DZIP1: variants seen among roughly 807,000 people sequenced by gnomAD.
DZIP1 encodes cilium assembly protein DZIP1.
In DZIP1, 97 loss-of-function variants were observed where a neutral mutation model predicts 107.6. That is an observed-to-expected ratio of 0.90 (90% confidence interval 0.77 to 1.07). The LOEUF (loss-of-function observed/expected upper bound fraction) is 1.07, where lower values mean the gene tolerates loss of function less well. Ranked by LOEUF, DZIP1 falls within the 50% of genes least tolerant of loss-of-function variation. DZIP1 has a pLI of 0.00. For missense variants in DZIP1, 1,035 were observed against 1,063.6 expected (o/e 0.97, Z 0.37); for synonymous variants, 390 against 386.4 (o/e 1.01, Z -0.11).
Position 95,641,860 on chromosome 13 carries a change from G to T in DZIP1, c.37-5C>A, listed in dbSNP as rs1878563828. 6.9e-7 allele frequency: 1 copy of T among 1,446,430 alleles called. No individual in the cohort carries two copies. The highest frequency in any genetic ancestry group is 9.0e-7 in the Non-Finnish European group (1 of 1,106,846). The allele number at this position is 1,446,430 out of a possible 1,614,324, so 89.6% of individuals were successfully genotyped here. A position where few individuals can be genotyped will look rare whatever the true frequency, so the allele number is the denominator to read the frequency against. ...GTAGACATGCTTCTGGAAGGGCTGC[G>T]GGGGGCACAAAGAGAGCGCGGCGGG... is the stretch of plus-strand genomic sequence containing the variant. On this transcript the variant is annotated splice_polypyrimidine_tract_variant and splice_region_variant and intron_variant, in intron 4 of 22. Transcript: ENST00000376829. This position sits in a 1 kb window ranked among gnomAD's most constrained non-coding sequence, Gnocchi z 4.3.
At position 95,580,358 on chromosome 13, in the gene DZIP1, TACAACTA is replaced by T. The variant is rs2043996714; in HGVS notation, c.*1869_*1875del. 6.8e-6 allele frequency: 1 copy of T among 146,016 alleles called. No individual in the cohort carries two copies. The highest frequency in any genetic ancestry group is 2.2e-4 in the South Asian group (1 of 4,624). 9.0% of individuals were successfully genotyped at this position (146,016 alleles called of 1,614,324 possible). On this transcript the variant is annotated 3_prime_UTR_variant, in exon 23 of 23. Transcript: ENST00000376829. ...TCTCAAAAAAAAAAAAAAAAAAAGA[TACAACTA>T]ACCATGTAAGCTAAAGGAGGGGCTC...
At chr13:95,623,560 A>T (rs564461546) in intron 8 of DZIP1, among the ~76,000 whole-genome samples, 1 of 152,352 alleles carries the variant, frequency 6.6e-6, no homozygotes, top group South Asian at 2.1e-4. Flanking sequence ...GTGTTTCAAT[A>T]AAACTTCACT....
At chr13:95,630,917 G>T (rs1350716338) in intron 6 of DZIP1, 2 of 344,764 alleles carry the variant, frequency 5.8e-6, no homozygotes, top group African/African-American at 2.2e-5. Context: ...GTTTCACGCT[G>T]AAGAATGGTA....
At chr13:95,585,747 A>T (rs2044143306) in intron 21 of DZIP1, among the ~76,000 whole-genome samples, 1 of 152,228 alleles carries the variant, frequency 6.6e-6, no homozygotes. Context: ...TGATATCTGC[A>T]AGTATCAGAT....
intron 6 of DZIP1, 107 bp from the exon 7 acceptor site, chr13:95,630,220 TG>T: frequency 7.3e-7 from 1 of 1,361,100 alleles, no homozygotes; most frequent in Admixed American, 2.7e-5. Flanking sequence ...TCCTCTTACT[TG>T]GGATACGATT....
chr13:95,633,029 G>A (rs567706849), intron 6 of DZIP1, among the ~76,000 whole-genome samples: 157 of 152,202 alleles, frequency 1.0e-3, no homozygotes, highest in African/African-American at 3.7e-3. Context: ...AGAGAGAGTG[G>A]GGCTTCTCCG....
At chr13:95,600,790 C>T (rs767695312) in intron 14 of DZIP1, among the ~76,000 whole-genome samples, 2 of 152,136 alleles carry the variant, frequency 1.3e-5, no homozygotes, top group Non-Finnish European at 2.9e-5. Flanking sequence ...TGAGTAAAAT[C>T]ACCTAACTGC....
chr13:95,584,823 C>G lies in DZIP1; in HGVS notation c.2437G>C (p.Glu813Gln), dbSNP rs769638971. The change falls in exon 22 of 23, where the codon GAA (glutamate) becomes CAA (glutamine). Residue 813 changes from glutamate to glutamine, a missense_variant. Glu to Gln is a conservative substitution (Grantham distance 29). Transcript: ENST00000376829. ...LGKKSGKEQKEPPPAKNEPHF... is the reference protein window; with the variant it reads ...LGKKSGKEQKQPPPAKNEPHF... ...GGTTCATTTTTCGCAGGTGGAGGTT[C>G]CTTCTGTTCTTTCCCAGATTTTTTT... is the stretch of plus-strand genomic sequence containing the variant. 1.9e-6 allele frequency: 3 copies of G among 1,613,950 alleles called. No homozygotes were observed. The highest frequency in any genetic ancestry group is 2.2e-5 in the South Asian group (2 of 91,072).
chr13:95,611,547 C>T, intron 11 of DZIP1, 54 bp from the exon 12 acceptor site: 1 of 1,347,506 alleles, frequency 7.4e-7, no homozygotes, highest in South Asian at 1.2e-5. Context: ...TAGGGACACA[C>T]ACATGGGATA....
In DZIP1 at chr13:95,641,156, T is replaced by G. The variant is rs1878439219; in HGVS notation, c.597+139A>C. 8.2e-7 allele frequency: 1 copy of G among 1,221,938 alleles called. No individual in the cohort carries two copies. Among genetic ancestry groups the G allele is most frequent in the African/African-American group, 1.5e-5 (1 of 65,628 alleles). The allele number at this position is 1,221,938 out of a possible 1,614,324, so 75.7% of individuals were successfully genotyped here. ...ATGACATTTGTTGGTTAAATGACTG[T>G]TTTTGCTTAAATATACTGTGTCTTC... On this transcript the variant is annotated intron_variant, in intron 5 of 22. Coordinates refer to ENST00000376829, the MANE Select transcript of DZIP1 (RefSeq NM_198968.4). The surrounding 1 kb of genome is among the most constrained non-coding windows in gnomAD (Gnocchi z 4.3).
intron 13 of DZIP1, 109 bp from the exon 14 acceptor site, chr13:95,606,168 C>G (rs1594680371): frequency 2.3e-6 from 2 of 861,570 alleles, no homozygotes. Flanking sequence ...ACATACAGAC[C>G]ATAAGGAACA....
intron 14 of DZIP1, among the ~76,000 whole-genome samples, chr13:95,603,648 C>A (rs919784168): frequency 1.3e-5 from 2 of 152,120 alleles, no homozygotes; most frequent in African/African-American, 4.8e-5. Context: ...GAGCAAAGAG[C>A]AAAGTGGTCT....
At chr13:95,589,083 A>T in intron 19 of DZIP1, 71 bp downstream of exon 19, 1 of 1,243,584 alleles carries the variant, frequency 8.0e-7, no homozygotes, top group Non-Finnish European at 1.2e-6. Context: ...TGAGCACGCT[A>T]CTTTAAAATG....
chr13:95,619,837 T>C, intron 10 of DZIP1, 48 bp downstream of exon 10: 1 of 1,568,318 alleles, frequency 6.4e-7, no homozygotes, highest in African/African-American at 1.4e-5. Context: ...AAAGCAAATA[T>C]TTCTTTAAAA....
rs185406086 is a variant in DZIP1 at position 95,616,244 on chromosome 13, C to G, written c.1173+3641G>C. On this transcript the variant is annotated intron_variant, in intron 10 of 22. Transcript: ENST00000376829. ...TAGTCATTGCCACGGGGGAAGCTCC[C>G]TGGGTGCAGGGTGGAAACGTGGACT... 1.2e-4 allele frequency among the ~76,000 whole-genome samples: 19 copies of G among 152,278 alleles called. No individual in the cohort carries two copies. The East Asian group carries it at 3.7e-3, about 29-fold the overall frequency.
chr13:95,635,743 G>A (rs536804444), intron 5 of DZIP1, among the ~76,000 whole-genome samples: 26 of 152,200 alleles, frequency 1.7e-4, no homozygotes, highest in African/African-American at 6.0e-4. Context: ...GTGTTCTAAC[G>A]ATACTGTTCC....
Position 95,622,411 on chromosome 13 carries a change from C to T in DZIP1, c.1042G>A (p.Glu348Lys), listed in dbSNP as rs755372715. ...SNIGTLKDAH[E>K]FKEDRSPYPQ... is the part of the protein sequence containing the mutation. ...TATGGAGAACGGTCTTCTTTAAACT[C>T]GTGTGCATCTTTTAATGTGCCTATG... Residue 348 changes from glutamate to lysine, a missense_variant, in exon 9 of 23, where the codon GAG (glutamate) becomes AAG (lysine). Coordinates refer to ENST00000376829, the MANE Select transcript of DZIP1 (RefSeq NM_198968.4). The T allele has an allele frequency of 1.2e-5, 20 of 1,614,164 alleles. No homozygotes were observed. In the East Asian group the frequency reaches 2.9e-4, roughly 23 times the overall value.
At chr13:95,639,967 A>G (rs1297000645) in intron 5 of DZIP1, among the ~76,000 whole-genome samples, 1 of 151,234 alleles carries the variant, frequency 6.6e-6, no homozygotes, top group African/African-American at 2.4e-5. Flanking sequence ...TAATATTCCT[A>G]ATTGTTCCCT....
intron 14 of DZIP1, among the ~76,000 whole-genome samples, chr13:95,601,148 A>C (rs2044607656): frequency 6.6e-6 from 1 of 152,058 alleles, no homozygotes. Context: ...CCAGGTTCTG[A>C]TGTGTTTCCC....
Sources: allele counts gnomAD v4.1 joint callset (sites outside exome capture counted in the v4.1 genomes callset), GRCh38; gene constraint gnomAD v4.1.1; non-coding constraint Gnocchi (gnomAD v3.1); transcripts MANE v1.5; gene names NCBI Gene and HGNC (gene_info 2026-07-23, HGNC 2026-07-21).